Variants in BAALC observed in about 807,000 individuals in gnomAD.
BAALC encodes the protein brain and acute leukemia cytoplasmic protein.
Under a neutral mutation model 15.5 loss-of-function variants are expected in BAALC, and 9 were observed. The observed-to-expected ratio is 0.58, with a 90% confidence interval of 0.35 to 1.02. The LOEUF (loss-of-function observed/expected upper bound fraction) is 1.02, where lower values mean the gene tolerates loss of function less well. Ranked by LOEUF, BAALC falls within the 50% of genes least tolerant of loss-of-function variation. The probability of loss-of-function intolerance (pLI) is 0.02; values close to 1 mark genes in which losing one functional copy is unlikely to be tolerated. For synonymous variants in BAALC, 80 were observed against 74.6 expected, an observed-to-expected ratio of 1.07 and a Z score of -0.37; for missense variants, 201 against 192.4, an observed-to-expected ratio of 1.04 and a Z score of -0.27.
At chr8:103,221,530 T>TG (rs1182146342) in intron 2 of BAALC, among the ~76,000 whole-genome samples, 6 of 151,668 alleles carry the variant, frequency 4.0e-5, no homozygotes, top group South Asian at 2.1e-4. Flanking sequence ...TAAAAAGGTA[T>TG]GGGGGGTGAT....
intron 1 of BAALC, 130 bp downstream of exon 1, chr8:103,141,187 C>A: frequency 9.3e-7 from 1 of 1,072,286 alleles, no homozygotes; most frequent in Non-Finnish European, 1.3e-6. Flanking sequence ...GAAGCAGAGG[C>A]AGGACCTGCC....
At position 103,228,759 on chromosome 8, in the gene BAALC, A is replaced by G. The variant is rs1315133261; in HGVS notation, c.*660A>G. ...TGTGAAGCAGTCATACCTGCTCCTC[A>G]TCTGCCTGGAAAGTCCTCCTATTCC... On this transcript the variant is annotated 3_prime_UTR_variant, in exon 3 of 3. Coordinates refer to ENST00000309982, the MANE Select transcript of BAALC (RefSeq NM_024812.3). 6.6e-6 allele frequency: 1 copy of G among 152,248 alleles called. No homozygotes were observed. Among genetic ancestry groups the G allele is most frequent in the Non-Finnish European group, 1.5e-5 (1 of 68,070 alleles). 9.4% of individuals were successfully genotyped at this position (152,248 alleles called of 1,614,324 possible).
intron 1 of BAALC, among the ~76,000 whole-genome samples, chr8:103,148,766 C>T (rs1159834316): frequency 6.6e-6 from 1 of 152,092 alleles, no homozygotes; most frequent in African/African-American, 2.4e-5. Context: ...TATGGCAGCC[C>T]TAGCAAACTA....
intron 1 of BAALC, among the ~76,000 whole-genome samples, chr8:103,157,504 G>A (rs767096863): frequency 1.4e-4 from 22 of 152,002 alleles, no homozygotes; most frequent in Admixed American, 6.6e-5. Context: ...TAAGAAATTA[G>A]GACTCTTTTA....
At chr8:103,156,188 T>C (rs1191580376) in intron 1 of BAALC, among the ~76,000 whole-genome samples, 2 of 152,236 alleles carry the variant, frequency 1.3e-5, no homozygotes, top group Non-Finnish European at 2.9e-5. Context: ...TTGCAGTTAC[T>C]AGTCCTAGCC....
At chr8:103,200,095 T>C (rs564696524) in intron 1 of BAALC, among the ~76,000 whole-genome samples, 1 of 152,344 alleles carries the variant, frequency 6.6e-6, no homozygotes, top group Admixed American at 6.5e-5. Flanking sequence ...TCTTTACTAT[T>C]GTGAATAGTG....
rs550788977 is a variant in BAALC, at chr8:103,213,274, C to T, written c.327+189C>T. The T allele has an allele frequency of 5.1e-6, 3 of 592,530 alleles. No individual in the cohort carries two copies. In the Admixed American group the frequency reaches 9.1e-5, roughly 18 times the overall value. 36.7% of individuals were successfully genotyped at this position (592,530 alleles called of 1,614,324 possible). A position where few individuals can be genotyped will look rare whatever the true frequency, so the allele number is the denominator to read the frequency against. On this transcript the variant is annotated intron_variant, in intron 2 of 2. Coordinates refer to ENST00000309982, the MANE Select transcript of BAALC (RefSeq NM_024812.3). Reference sequence around the variant, plus strand: ...CCCCAAAACCCTGCCTTGAGGGTTGCTGCTTTTTGTTTCCATGTGTATGTT... The same window carrying T: ...CCCCAAAACCCTGCCTTGAGGGTTGTTGCTTTTTGTTTCCATGTGTATGTT...
intron 1 of BAALC, among the ~76,000 whole-genome samples, chr8:103,197,892 C>T (rs1586422895): frequency 1.3e-5 from 2 of 152,152 alleles, no homozygotes; most frequent in Admixed American, 1.3e-4. Context: ...ACCTCCAACA[C>T]GGGATTACAT....
At chr8:103,162,321 G>A (rs1811244816) in intron 1 of BAALC, among the ~76,000 whole-genome samples, 1 of 152,200 alleles carries the variant, frequency 6.6e-6, no homozygotes, top group Non-Finnish European at 1.5e-5. Flanking sequence ...GAAGGTGACT[G>A]AGATATTTTG....
At chr8:103,142,462 C>G (rs540584705) in intron 1 of BAALC, among the ~76,000 whole-genome samples, 2 of 152,304 alleles carry the variant, frequency 1.3e-5, no homozygotes, top group East Asian at 3.9e-4. Flanking sequence ...TCAGTGTCAG[C>G]ATGAGGATAG....
At chr8:103,190,491 T>C (rs1434664250) in intron 1 of BAALC, among the ~76,000 whole-genome samples, 1 of 152,224 alleles carries the variant, frequency 6.6e-6, no homozygotes, top group African/African-American at 2.4e-5. Context: ...TTTTCTCTCA[T>C]GTTTTCATTA....
In BAALC at chr8:103,221,551, G is replaced by T. The variant is rs145356126; in HGVS notation, c.328-6438G>T. On this transcript the variant is annotated intron_variant, in intron 2 of 2. Transcript: ENST00000309982. ...GGTATGGGGGGTGATGTTAAAAAAG[G>T]TTTGGCTGGCTGGAAACTACATCAG... Among the ~76,000 whole-genome samples, 104 of 152,078 alleles carry T rather than the reference G, an allele frequency of 6.8e-4. No homozygotes were observed. The East Asian group carries it at 0.019, about 28-fold the overall frequency.
At chr8:103,217,866 C>G (rs968669613) in intron 2 of BAALC, among the ~76,000 whole-genome samples, 2 of 152,186 alleles carry the variant, frequency 1.3e-5, no homozygotes, top group African/African-American at 4.8e-5. Context: ...AGGCACTGTT[C>G]CAGTGCCAAG....
At chr8:103,206,630 G>T (rs1189368050) in intron 1 of BAALC, among the ~76,000 whole-genome samples, 1 of 152,124 alleles carries the variant, frequency 6.6e-6, no homozygotes, top group Non-Finnish European at 1.5e-5. Context: ...TAGAGAGAAG[G>T]GGAGAGTGAG....
chr8:103,226,997 T>C (rs1812820079), intron 2 of BAALC, among the ~76,000 whole-genome samples: 1 of 152,192 alleles, frequency 6.6e-6, no homozygotes, highest in Non-Finnish European at 1.5e-5. Context: ...TAAAGCCAAC[T>C]ATGAAAACTT....
At chr8:103,141,120 A>C in intron 1 of BAALC, 63 bp downstream of exon 1, 3 of 1,375,162 alleles carry the variant, frequency 2.2e-6, no homozygotes, top group Non-Finnish European at 2.8e-6. Flanking sequence ...TGGCCCGGGC[A>C]CTGAGAGAGG....
chr8:103,188,233 C>T (rs1811888955), intron 1 of BAALC, among the ~76,000 whole-genome samples: 1 of 152,282 alleles, frequency 6.6e-6, no homozygotes, highest in East Asian at 1.9e-4. Flanking sequence ...CACCTCACAG[C>T]TCCCAGATTC....
intron 1 of BAALC, among the ~76,000 whole-genome samples, chr8:103,164,929 C>G (rs62527637): frequency 0.015 from 2,320 of 152,188 alleles, 26 homozygotes; most frequent in Non-Finnish European, 0.02. Flanking sequence ...CATTACCTGT[C>G]CCCTAAAAAG....
intron 1 of BAALC, among the ~76,000 whole-genome samples, chr8:103,161,743 G>A (rs1353482192): frequency 6.6e-6 from 1 of 152,156 alleles, no homozygotes; most frequent in African/African-American, 2.4e-5. Flanking sequence ...CCCATCAGCA[G>A]CATATGAAAG....
Sources: gnomAD v4.1 joint callset for allele counts (sites outside exome capture counted in the v4.1 genomes callset) on GRCh38, gnomAD v4.1.1 for gene constraint, MANE v1.5 for transcripts, NCBI Gene and HGNC (gene_info 2026-07-23, HGNC 2026-07-21) for gene names.